The following MTUS1 variants were observed in gnomAD, a reference collection of about 807,000 sequenced individuals.
MTUS1 encodes the protein microtubule-associated tumor suppressor 1.
MTUS1 carries 109 observed loss-of-function variants against 120.8 expected under a neutral mutation model. The observed-to-expected ratio is 0.90, with a 90% CI of 0.77 to 1.06. The LOEUF (loss-of-function observed/expected upper bound fraction) is 1.06. MTUS1 is among the 50% of genes least tolerant of loss of function. The probability of loss-of-function intolerance (pLI) is 0.00; values close to 1 mark genes in which losing one functional copy is unlikely to be tolerated. For synonymous variants in MTUS1, 737 were observed against 550.5 expected (o/e 1.34, Z -4.74); for missense variants, 2,210 against 1,486.3 (o/e 1.49, Z -8.01).
intron 1 of MTUS1, among the ~76,000 whole-genome samples, chr8:17,786,270 G>T (rs2051294540): frequency 6.6e-6 from 1 of 152,144 alleles, no homozygotes; most frequent in Admixed American, 6.5e-5. Flanking sequence ...CAAAGACCAA[G>T]CCCGATGAGT....
intron 8 of MTUS1, among the ~76,000 whole-genome samples, chr8:17,662,947 G>A (rs894405249): frequency 2.0e-5 from 3 of 152,058 alleles, no homozygotes; most frequent in East Asian, 1.9e-4. Context: ...TCTCTAAAAT[G>A]TAAGGCCACA....
At chr8:17,713,082 A>G (rs1821650873) in intron 6 of MTUS1, 132 bp downstream of exon 6, 5 of 746,870 alleles carry the variant, frequency 6.7e-6, no homozygotes, top group Non-Finnish European at 1.2e-5. Flanking sequence ...CCCGTCATAA[A>G]AAGTTAGGTT....
chr8:17,785,270 G>C lies in MTUS1; in HGVS notation c.-155+15791C>G, dbSNP rs79115105. On this transcript the variant is annotated intron_variant, in intron 1 of 14. Coordinates refer to ENST00000693296, the MANE Select transcript of MTUS1 (RefSeq NM_001363059.2). ...AGTAAATAATTACAAAAACTGCAAA[G>C]GTAGAAGCGACTGGAGGCTAAAGGG... Among the ~76,000 whole-genome samples the C allele has an allele frequency of 6.6e-5, 10 of 152,294 alleles. No individual in the cohort carries two copies. In the East Asian group the frequency reaches 1.9e-3, roughly 29 times the overall value.
rs2051548949 is a variant in MTUS1, at chr8:17,789,084, A to G, written c.-155+11977T>C. On this transcript the variant is annotated intron_variant, in intron 1 of 14. Transcript: ENST00000693296. The stretch of plus-strand genomic sequence containing the variant: ...TTTCACTCTTATTGCCCAGGCTGGA[A>G]TGCAATGGCACGATCTCAGCTCACC... Among the ~76,000 whole-genome samples the G allele has an allele frequency of 4.0e-5, 6 of 151,866 alleles. 1 individual carries two copies. The South Asian group carries it at 1.2e-3, about 32-fold the overall frequency.
At chr8:17,699,700 A>G (rs1269946273) in intron 6 of MTUS1, among the ~76,000 whole-genome samples, 2 of 152,238 alleles carry the variant, frequency 1.3e-5, no homozygotes, top group East Asian at 3.8e-4. Flanking sequence ...GCAGGAATAA[A>G]CTAAATTCAG....
chr8:17,787,115 G>T (rs556763738), intron 1 of MTUS1, among the ~76,000 whole-genome samples: 1 of 152,282 alleles, frequency 6.6e-6, no homozygotes, highest in South Asian at 2.1e-4. Flanking sequence ...GCAAATCCAA[G>T]GACTGCCAAG....
intron 8 of MTUS1, among the ~76,000 whole-genome samples, chr8:17,670,005 A>C (rs1055028735): frequency 7.9e-5 from 12 of 152,212 alleles, no homozygotes; most frequent in Non-Finnish European, 1.3e-4. Context: ...GTGGGACTTA[A>C]AACAGCAGCA....
chr8:17,659,115 C>CAG (rs1809112556), intron 8 of MTUS1, among the ~76,000 whole-genome samples: 1 of 152,142 alleles, frequency 6.6e-6, no homozygotes, highest in African/African-American at 2.4e-5. Context: ...CCCAGGGGCA[C>CAG]AGAGCTGGCA....
At chr8:17,730,746 C>A (rs1054654622) in intron 3 of MTUS1, among the ~76,000 whole-genome samples, 1 of 152,154 alleles carries the variant, frequency 6.6e-6, no homozygotes, top group Non-Finnish European at 1.5e-5. Flanking sequence ...ATGTATGATT[C>A]TCTTTCATGA....
At chr8:17,780,554 C>A (rs1229203957) in intron 1 of MTUS1, among the ~76,000 whole-genome samples, 2 of 152,044 alleles carry the variant, frequency 1.3e-5, no homozygotes, top group African/African-American at 4.8e-5. Context: ...TAGGAGTCAG[C>A]AATAATCTGC....
chr8:17,729,358 G>T (rs1200086070), intron 3 of MTUS1, among the ~76,000 whole-genome samples: 2 of 152,176 alleles, frequency 1.3e-5, no homozygotes, highest in African/African-American at 2.4e-5. Flanking sequence ...ACATGTTTAA[G>T]AACTTAGCTT....
intron 1 of MTUS1, among the ~76,000 whole-genome samples, chr8:17,759,628 T>C (rs558122072): frequency 7.2e-5 from 10 of 139,338 alleles, no homozygotes; most frequent in Non-Finnish European, 1.4e-4. Flanking sequence ...CTCTTTCTTT[T>C]TATATATTTA....
Position 17,754,974 on chromosome 8 carries a change from T to A in MTUS1, c.834A>T (p.Gly278=), listed in dbSNP as rs2048489865. The A allele has an allele frequency of 6.2e-7, 1 of 1,613,988 alleles. No homozygotes were observed. The highest frequency in any genetic ancestry group is 1.1e-5 in the South Asian group (1 of 91,078). The change falls in exon 2 of 15, where the codon GGA becomes GGT. Residue 278 remains glycine, a synonymous_variant. Coordinates refer to ENST00000693296, the MANE Select transcript of MTUS1 (RefSeq NM_001363059.2). ...TTTCTCCAACTAGTCTTTGTTGTGA[T>A]CCATCTGTGTACTCACTGGTGACCT... ...SGKVTSEYTD[G]SQQRLVGEKE...
chr8:17,646,218 C>G (rs1805761564), intron 14 of MTUS1, 79 bp from the exon 15 acceptor site: 1 of 1,368,756 alleles, frequency 7.3e-7, no homozygotes, highest in East Asian at 2.5e-5. Context: ...GCGTTTGAAA[C>G]TTTAAAGTCC....
At chr8:17,764,666 G>C (rs910050782) in intron 1 of MTUS1, among the ~76,000 whole-genome samples, 2 of 152,214 alleles carry the variant, frequency 1.3e-5, no homozygotes, top group Non-Finnish European at 2.9e-5. Context: ...ATTTATTCAA[G>C]TCTGCTGTTG....
At chr8:17,649,729 A>G in intron 13 of MTUS1, 117 bp downstream of exon 13, 4 of 665,022 alleles carry the variant, frequency 6.0e-6, no homozygotes, top group Middle Eastern at 2.8e-4. Flanking sequence ...TCTTTTGTAT[A>G]ATTTCTAAAT....
chr8:17,781,266 CCAAT>C (rs1322075798), intron 1 of MTUS1, among the ~76,000 whole-genome samples: 2 of 152,186 alleles, frequency 1.3e-5, no homozygotes, highest in Admixed American at 6.5e-5. Flanking sequence ...GTCTGAATTT[CCAAT>C]CAAAGTTTCT....
chr8:17,668,146 G>A (rs1360800521), intron 8 of MTUS1, among the ~76,000 whole-genome samples: 8 of 152,164 alleles, frequency 5.3e-5, no homozygotes, highest in African/African-American at 7.2e-5. Context: ...CAGCCTGCAC[G>A]TGGCCCAGGA....
At chr8:17,722,262 CG>C (rs145665224) in intron 4 of MTUS1, 44,852 of 991,562 alleles carry the variant, frequency 0.045, 1,089 homozygotes, top group Middle Eastern at 0.055. Flanking sequence ...ATGGAAAACA[CG>C]GGGCTGTGGC....
Sources: gnomAD v4.1 joint callset for allele counts (sites outside exome capture counted in the v4.1 genomes callset) on GRCh38, gnomAD v4.1.1 for gene constraint, MANE v1.5 for transcripts, NCBI Gene and HGNC (gene_info 2026-07-23, HGNC 2026-07-21) for gene names.